The following RTL4 variants were observed in gnomAD, a reference collection of about 807,000 sequenced individuals.
The protein encoded by RTL4 is retrotransposon Gag-like protein 4.
In RTL4, 4 loss-of-function variants were observed where a neutral mutation model predicts 5.3. The observed-to-expected ratio is 0.75, with a 90% CI of 0.37 to 1.72. The LOEUF (loss-of-function observed/expected upper bound fraction) is 1.72. Ranked by LOEUF, RTL4 falls within the 40% of genes most tolerant of loss-of-function variation. The pLI is 0.04. For missense variants in RTL4, 260 were observed against 227.1 expected (o/e 1.14, Z -0.93); for synonymous variants, 98 against 87.3 (o/e 1.12, Z -0.68).
the RTL4 span, among the ~76,000 whole-genome samples, chrX:112,379,371 ACT>A: frequency 8.9e-6 from 1 of 112,014 alleles, no homozygotes; most frequent in Admixed American, 9.4e-5. Flanking sequence ...CTTACCATAA[ACT>A]CTGAGTCACC....
At chrX:112,356,900 A>T in the RTL4 span, among the ~76,000 whole-genome samples, 1 of 111,624 alleles carries the variant, frequency 9.0e-6, no homozygotes, top group African/African-American at 3.3e-5. Flanking sequence ...GACCAAGATT[A>T]TGTGAACAAT....
the RTL4 span, among the ~76,000 whole-genome samples, chrX:112,126,487 A>G: frequency 2.7e-5 from 3 of 112,336 alleles, no homozygotes; most frequent in Admixed American, 9.4e-5. Flanking sequence ...TCTCAAATCA[A>G]TAACCTAACT....
chrX:112,454,671 T>G, exon 1 of RTL4: 1 of 1,043,734 alleles, frequency 9.6e-7, no homozygotes, highest in Non-Finnish European at 1.3e-6. Flanking sequence ...ACTGTCTCCA[T>G]TGGTTTCCAG....
the RTL4 span, among the ~76,000 whole-genome samples, chrX:112,157,812 T>C: frequency 8.9e-6 from 1 of 112,161 alleles, no homozygotes; most frequent in Admixed American, 9.5e-5. Context: ...CAGCTATTCT[T>C]TCTTGCTTGA....
chrX:112,383,281 T>C, the RTL4 span, among the ~76,000 whole-genome samples: 1 of 111,835 alleles, frequency 8.9e-6, no homozygotes, highest in Admixed American at 9.5e-5. Flanking sequence ...GAATGCTGAA[T>C]CCTAGTATAG....
the RTL4 span, among the ~76,000 whole-genome samples, chrX:112,202,771 G>T: frequency 1.8e-5 from 2 of 109,696 alleles, no homozygotes; most frequent in African/African-American, 6.6e-5. Flanking sequence ...ATGTTGGCCA[G>T]GCTGGTCTTG....
chrX:112,318,593 A>G, the RTL4 span, among the ~76,000 whole-genome samples: 3 of 112,138 alleles, frequency 2.7e-5, no homozygotes, highest in Admixed American at 1.9e-4. Flanking sequence ...GTCATCTAAA[A>G]TAGCTTTCTT....
the RTL4 span, among the ~76,000 whole-genome samples, chrX:112,209,168 C>T: frequency 8.0e-5 from 9 of 112,413 alleles, no homozygotes; most frequent in Admixed American, 8.5e-4. Context: ...TGAGCACTCA[C>T]ATAGGATACA....
At chrX:112,088,341 A>G in the RTL4 span, among the ~76,000 whole-genome samples, 1 of 111,041 alleles carries the variant, frequency 9.0e-6, no homozygotes, top group Non-Finnish European at 1.9e-5. Context: ...TTTTTTACTT[A>G]ATATAATGTT....
At chrX:112,379,330 G>T in the RTL4 span, among the ~76,000 whole-genome samples, 2 of 112,022 alleles carry the variant, frequency 1.8e-5, no homozygotes, top group South Asian at 7.5e-4. Flanking sequence ...GATTACATAG[G>T]CCTGGAAAAC....
At chrX:112,233,100 G>A in the RTL4 span, among the ~76,000 whole-genome samples, 3 of 111,672 alleles carry the variant, frequency 2.7e-5, no homozygotes, top group South Asian at 1.1e-3. Context: ...ATCCTGGTGG[G>A]CATAAAGGGG....
chrX:112,219,621 A>T, the RTL4 span, among the ~76,000 whole-genome samples: 2 of 112,282 alleles, frequency 1.8e-5, no homozygotes, highest in African/African-American at 6.5e-5. Flanking sequence ...AACAAACCAA[A>T]ATTATCAAGG....
At chrX:112,311,013 A>T in the RTL4 span, among the ~76,000 whole-genome samples, 1 of 105,742 alleles carries the variant, frequency 9.5e-6, no homozygotes, top group Non-Finnish European at 1.9e-5. Context: ...TCTCTTCTGC[A>T]AAGGGGGAAC....
the RTL4 span, among the ~76,000 whole-genome samples, chrX:112,317,448 C>G: frequency 4.5e-5 from 5 of 112,022 alleles, no homozygotes; most frequent in Non-Finnish European, 9.4e-5. Flanking sequence ...TGTTGAACGA[C>G]TAGTGCAGAA....
chrX:112,238,502 A>G, the RTL4 span, among the ~76,000 whole-genome samples: 1 of 111,322 alleles, frequency 9.0e-6, no homozygotes, highest in Non-Finnish European at 1.9e-5. Flanking sequence ...TCTTACTGCT[A>G]TTACAAAGAG....
the RTL4 span, among the ~76,000 whole-genome samples, chrX:112,093,391 G>C: frequency 1.8e-5 from 2 of 111,535 alleles, no homozygotes; most frequent in African/African-American, 6.5e-5. Flanking sequence ...CCCAACCACT[G>C]TTAAGGTATG....
chrX:112,315,260 C>A, the RTL4 span, among the ~76,000 whole-genome samples: 4 of 111,173 alleles, frequency 3.6e-5, no homozygotes, highest in African/African-American at 1.3e-4. Flanking sequence ...GCCTAGATAT[C>A]CCCTCAGGGA....
chrX:112,217,335 T>C, the RTL4 span, among the ~76,000 whole-genome samples: 1 of 111,833 alleles, frequency 8.9e-6, no homozygotes, highest in Non-Finnish European at 1.9e-5. Context: ...AGAGGAGGCA[T>C]TATACTTTAT....
the RTL4 span, among the ~76,000 whole-genome samples, chrX:112,132,298 A>AGCAG: frequency 2.7e-5 from 3 of 111,546 alleles, no homozygotes; most frequent in Admixed American, 9.5e-5. Flanking sequence ...GAGGAAGATA[A>AGCAG]GCAGGCAGGC....
Sources: allele counts gnomAD v4.1 joint callset (sites outside exome capture counted in the v4.1 genomes callset), GRCh38; gene constraint gnomAD v4.1.1; transcripts MANE v1.5; gene names NCBI Gene and HGNC (gene_info 2026-07-23, HGNC 2026-07-21).